DNM2: variants seen among roughly 807,000 people sequenced by gnomAD.
DNM2 encodes dynamin-2.
Under a neutral mutation model 99.0 loss-of-function variants are expected in DNM2, and 15 were observed. The ratio of observed to expected loss-of-function variants is 0.15; its 90% CI spans 0.10 to 0.23. DNM2 has a LOEUF of 0.23. DNM2 is among the 10% of genes least tolerant of loss of function. The probability of loss-of-function intolerance (pLI) is 1.00; values close to 1 mark genes in which losing one functional copy is unlikely to be tolerated. For missense variants in DNM2, 742 were observed against 1,189.4 expected, an observed-to-expected ratio of 0.62 and a Z score of 5.53; for synonymous variants, 525 against 481.2, an observed-to-expected ratio of 1.09 and a Z score of -1.19.
At chr19:10,745,332 C>T (rs1306138278) in intron 1 of DNM2, among the ~76,000 whole-genome samples, 5 of 152,164 alleles carry the variant, frequency 3.3e-5, no homozygotes, top group Non-Finnish European at 7.3e-5. Context: ...CTCAGGGAGT[C>T]GGCTGTCCTT....
intron 1 of DNM2, among the ~76,000 whole-genome samples, chr19:10,723,156 C>T (rs1225355241): frequency 1.5e-5 from 2 of 132,754 alleles, no homozygotes; most frequent in African/African-American, 5.9e-5. Flanking sequence ...TTTTTTGAGA[C>T]GGAGTTTCAT....
At chr19:10,718,849 T>A (rs1320553730) in intron 1 of DNM2, among the ~76,000 whole-genome samples, 6 of 152,152 alleles carry the variant, frequency 3.9e-5, no homozygotes, top group Admixed American at 3.9e-4. Context: ...CCCCGCCGTC[T>A]GGTTGGCTGT....
rs75344643 is a variant in DNM2, at chr19:10,820,106, C to A, written c.1781+17C>A. On this transcript the variant is annotated intron_variant, in intron 16 of 20. Transcript: ENST00000389253. The surrounding 1 kb of genome is among the most constrained non-coding windows in gnomAD (Gnocchi z 4.3). ...GGAGCAGAGGTGAGGGGCCCAGGGGCCTGGGGATGGCTCGGGGTGAAGACC... is the reference window on the plus strand; with the variant it reads ...GGAGCAGAGGTGAGGGGCCCAGGGGACTGGGGATGGCTCGGGGTGAAGACC... 4.5e-4 allele frequency: 733 copies of A among 1,613,410 alleles called. 5 individuals carry two copies. The African/African-American group carries it at 8.6e-3, about 19-fold the overall frequency.
chr19:10,773,540 C>T (rs980481729), intron 3 of DNM2, among the ~76,000 whole-genome samples: 1 of 151,924 alleles, frequency 6.6e-6, no homozygotes, highest in Non-Finnish European at 1.5e-5. Context: ...CCTTCACCTC[C>T]CGGGTTCAAG....
intron 18 of DNM2, among the ~76,000 whole-genome samples, chr19:10,825,978 T>A (rs568924712): frequency 3.4e-4 from 51 of 151,922 alleles, no homozygotes; most frequent in African/African-American, 1.2e-3. Flanking sequence ...GAGGCTGCAG[T>A]GAGCTATGAT....
rs1388981177 is a variant in DNM2, at chr19:10,817,472, C to T, written c.1672-2508C>T. ...CTGTACACATTGAGAGCCTCCTGAA[C>T]AGGTAGTCTGAACACTGGGTTGGCG... On this transcript the variant is annotated intron_variant, in intron 15 of 20. Coordinates refer to ENST00000389253, the MANE Select transcript of DNM2 (RefSeq NM_001005361.3). This position sits in a 1 kb window ranked among gnomAD's most constrained non-coding sequence, Gnocchi z 4.6. The T allele has an allele frequency of 1.8e-5, 9 of 491,720 alleles. No homozygotes were observed. Among genetic ancestry groups the T allele is most frequent in the Non-Finnish European group, 3.8e-5 (9 of 238,962 alleles). 30.5% of individuals were successfully genotyped at this position (491,720 alleles called of 1,614,324 possible).
chr19:10,753,731 AT>A (rs1433995567), intron 1 of DNM2, among the ~76,000 whole-genome samples: 1 of 149,896 alleles, frequency 6.7e-6, no homozygotes, highest in East Asian at 2.0e-4. Flanking sequence ...ATCTCAGCTC[AT>A]TCCAACCTCT....
At chr19:10,808,626 GTGA>G in intron 14 of DNM2, 46 bp downstream of exon 14, 1 of 1,602,770 alleles carries the variant, frequency 6.2e-7, no homozygotes, top group East Asian at 2.2e-5. Context: ...GAATCTAGTG[GTGA>G]TGGAGACCCC....
At chr19:10,803,730 T>G in intron 12 of DNM2, 1 of 980,216 alleles carries the variant, frequency 1.0e-6, no homozygotes, top group African/African-American at 1.7e-5. Flanking sequence ...CCTGGCTGGG[T>G]GGCCCCAGCC....
rs769980734 is a variant in DNM2 at position 10,795,481 on chromosome 19, G to A, written c.1196+42G>A. 23 of 1,610,058 alleles carry A rather than the reference G, an allele frequency of 1.4e-5. No individual in the cohort carries two copies. Among genetic ancestry groups the A allele is most frequent in the African/African-American group, 8.0e-5 (6 of 74,818 alleles). On this transcript the variant is annotated intron_variant, in intron 9 of 20. Coordinates refer to ENST00000389253, the MANE Select transcript of DNM2 (RefSeq NM_001005361.3). The surrounding 1 kb of genome is among the most constrained non-coding windows in gnomAD (Gnocchi z 4.2). ...GAGTCACCACTGTTCCTTCCTCTCC[G>A]TGGTGCGACCCCCCAGCTAATTGGG...
At chr19:10,753,022 G>A (rs901675006) in intron 1 of DNM2, among the ~76,000 whole-genome samples, 3 of 152,170 alleles carry the variant, frequency 2.0e-5, no homozygotes, top group Non-Finnish European at 2.9e-5. Context: ...TACTTGGGAG[G>A]CTGAGACGGG....
Position 10,793,768 on chromosome 19 carries a change from A to C in DNM2, c.1041A>C (p.Ser347=), listed in dbSNP as rs764163643. ...GVDFEKRIEG[S]GDQVDTLELS... Reference sequence around the variant, plus strand: ...ATTTTGAGAAGAGGATCGAGGGCTCAGGAGATCAGGTGGACACTCTGGAGC... The same window carrying C: ...ATTTTGAGAAGAGGATCGAGGGCTCCGGAGATCAGGTGGACACTCTGGAGC... The change falls in exon 8 of 21, where the codon TCA becomes TCC. Residue 347 remains serine (S), a synonymous_variant. Coordinates refer to ENST00000389253, the MANE Select transcript of DNM2 (RefSeq NM_001005361.3). 61 of 1,614,032 alleles carry C rather than the reference A, an allele frequency of 3.8e-5. No individual in the cohort carries two copies. The highest frequency in any genetic ancestry group is 4.9e-5 in the Non-Finnish European group (58 of 1,180,028).
intron 5 of DNM2, among the ~76,000 whole-genome samples, chr19:10,782,444 C>T (rs144817386): frequency 3.0e-3 from 452 of 151,888 alleles, no homozygotes; most frequent in African/African-American, 0.011. Context: ...CTGCAACCTC[C>T]GCCTGCCGGG....
At chr19:10,736,404 G>A (rs750368944) in intron 1 of DNM2, among the ~76,000 whole-genome samples, 5 of 152,140 alleles carry the variant, frequency 3.3e-5, no homozygotes, top group Admixed American at 2.0e-4. Context: ...GAGCCACCAC[G>A]CCCACTCATT....
Position 10,718,267 on chromosome 19 carries a change from C to G in DNM2, c.25C>G (p.Leu9Val). The change falls in exon 1 of 21, where the codon CTG (leucine) becomes GTG (valine). Residue 9 changes from leucine (L) to valine (V), a missense_variant. Leu to Val is a conservative substitution (Grantham distance 32, BLOSUM62 1). Around this residue, in one of 7 missense-constraint regions of DNM2, gnomAD observed 52 missense variants for 46.1 expected, o/e 1.13. Transcript: ENST00000389253. ...CATGGGCAACCGCGGGATGGAAGAG[C>G]TGATCCCGCTGGTCAACAAACTGCA... MGNRGMEE[L>V]IPLVNKLQDA... 1.3e-6 allele frequency: 2 copies of G among 1,490,258 alleles called. No homozygotes were observed. Among genetic ancestry groups the G allele is most frequent in the Non-Finnish European group, 1.8e-6 (2 of 1,118,842 alleles). The allele number at this position is 1,490,258 out of a possible 1,614,324, so 92.3% of individuals were successfully genotyped here. A position where few individuals can be genotyped will look rare whatever the true frequency, so the allele number is the denominator to read the frequency against.
At chr19:10,824,856 T>A (rs984392498) in intron 17 of DNM2, 8 of 718,882 alleles carry the variant, frequency 1.1e-5, no homozygotes, top group Non-Finnish European at 1.9e-5. Flanking sequence ...GGTGAGGGGA[T>A]CCACCCCAGC....
intron 1 of DNM2, 60 bp from the exon 2 acceptor site, chr19:10,759,678 C>G: frequency 1.2e-6 from 2 of 1,606,406 alleles, no homozygotes; most frequent in Non-Finnish European, 8.5e-7. Flanking sequence ...CATGTGGTCA[C>G]ACTTCCTGCC....
chr19:10,718,490 G>C, intron 1 of DNM2, 87 bp downstream of exon 1: 1 of 1,273,160 alleles, frequency 7.9e-7, no homozygotes, highest in Non-Finnish European at 9.9e-7. Flanking sequence ...CGCCGCCGGC[G>C]TAACTGCGGC....
chr19:10,742,960 T>C (rs1478630658), intron 1 of DNM2, among the ~76,000 whole-genome samples: 1 of 148,774 alleles, frequency 6.7e-6, no homozygotes, highest in Non-Finnish European at 1.5e-5. Context: ...GTCATGCAGG[T>C]TGTGGTGCAG....
Sources: gnomAD v4.1 joint callset for allele counts (sites outside exome capture counted in the v4.1 genomes callset) on GRCh38, gnomAD v4.1.1 for gene constraint, gnomAD v4.1.1 regional missense constraint, Gnocchi (gnomAD v3.1) non-coding constraint, MANE v1.5 for transcripts, NCBI Gene and HGNC (gene_info 2026-07-23, HGNC 2026-07-21) for gene names.